AIMP1: variants seen among roughly 807,000 people sequenced by gnomAD.
AIMP1 encodes aminoacyl tRNA synthase complex-interacting multifunctional protein 1.
Under a neutral mutation model 33.1 loss-of-function variants are expected in AIMP1, and 24 were observed. That is an observed-to-expected ratio of 0.73 (90% confidence interval 0.53 to 1.02). The LOEUF (loss-of-function observed/expected upper bound fraction) is 1.02. Ranked by LOEUF, AIMP1 falls within the 50% of genes least tolerant of loss-of-function variation. The pLI, the probability that AIMP1 is intolerant of heterozygous loss-of-function variation, is 0.00. For synonymous variants in AIMP1, 120 were observed against 121.5 expected, an observed-to-expected ratio of 0.99 and a Z score of 0.08; for missense variants, 367 against 364.8, an observed-to-expected ratio of 1.01 and a Z score of -0.05.
intron 4 of AIMP1, among the ~76,000 whole-genome samples, chr4:106,329,772 C>CTTTTTTTTTTTT (rs59016309): frequency 5.7e-5 from 3 of 53,062 alleles, no homozygotes; most frequent in East Asian, 5.4e-4. Context: ...TGCTACATAT[C>CTTTTTTTTTTTT]TTTTTTTTTT....
chr4:106,329,603 A>G (rs1769589239), intron 4 of AIMP1, among the ~76,000 whole-genome samples: 1 of 152,098 alleles, frequency 6.6e-6, no homozygotes, highest in Non-Finnish European at 1.5e-5. Flanking sequence ...TCTAATTTAA[A>G]TAATTTTAAA....
At position 106,347,546 on chromosome 4, in the gene AIMP1, A is replaced by G. The variant is rs1234343131; in HGVS notation, c.793A>G (p.Asn265Asp). 1 of 1,613,042 alleles carries G rather than the reference A, an allele frequency of 6.2e-7. No individual in the cohort carries two copies. Among genetic ancestry groups the G allele is most frequent in the Admixed American group, 1.7e-5 (1 of 59,870 alleles). The change falls in exon 7 of 7, where the codon AAT (asparagine) becomes GAT (aspartate). Residue 265 changes from asparagine (N) to aspartate (D), a missense_variant. By Grantham distance (23) the Asn-to-Asp change is conservative. Transcript: ENST00000672341. ...CACAGGAGAGCCTGACAAGGAGCTG[A>G]ATCCTAAGAAGAAGATTTGGGAGCA... ...AFPGEPDKELNPKKKIWEQIQ... is the reference protein window; with the variant it reads ...AFPGEPDKELDPKKKIWEQIQ...
chr4:106,325,378 G>A (rs1168467118), intron 2 of AIMP1, among the ~76,000 whole-genome samples: 1 of 151,862 alleles, frequency 6.6e-6, no homozygotes, highest in Non-Finnish European at 1.5e-5. Context: ...AGAAATAAAT[G>A]CTTTCCTACG....
rs1769533902 is a variant in AIMP1 at position 106,328,214 on chromosome 4, A to C, written c.362A>C (p.Lys121Thr). The C allele has an allele frequency of 2.5e-6, 4 of 1,611,450 alleles. No homozygotes were observed. The Admixed American group carries it at 6.7e-5, about 27-fold the overall frequency. Residue 121 changes from lysine to threonine, a missense_variant, in exon 4 of 7, where the codon AAG (lysine) becomes ACG (threonine). Lys to Thr is a moderately conservative substitution (Grantham distance 78). Transcript: ENST00000672341. ...ATAAAAGGAGGAACAGGAGACGAAA[A>C]GAAAGCGAAAGAGAAAATTGAAAAG... ...EQIKGGTGDE[K>T]KAKEKIEKKG...
chr4:106,320,287 C>T (rs1273881269), intron 1 of AIMP1, among the ~76,000 whole-genome samples: 1 of 152,182 alleles, frequency 6.6e-6, no homozygotes, highest in Non-Finnish European at 1.5e-5. Context: ...TCACTGTGCC[C>T]TAAGCGTAAC....
chr4:106,331,100 G>A (rs1175498313), intron 4 of AIMP1, among the ~76,000 whole-genome samples: 1 of 152,168 alleles, frequency 6.6e-6, no homozygotes, highest in East Asian at 1.9e-4. Flanking sequence ...ACTTACTAGT[G>A]TATATAAGTG....
intron 3 of AIMP1, 56 bp downstream of exon 3, chr4:106,327,620 A>C (rs1769502561): frequency 1.6e-6 from 2 of 1,259,592 alleles, no homozygotes; most frequent in Non-Finnish European, 2.3e-6. Context: ...GGCCAGTCAC[A>C]CCAACAGTGA....
At chr4:106,331,546 G>A (rs982152381) in intron 4 of AIMP1, 126 bp from the exon 5 acceptor site, 1 of 757,702 alleles carries the variant, frequency 1.3e-6, no homozygotes, top group Admixed American at 2.4e-5. Context: ...TTAAGTGAAG[G>A]TAGGAGATAA....
chr4:106,330,781 A>G (rs916462111), intron 4 of AIMP1, among the ~76,000 whole-genome samples: 2 of 152,240 alleles, frequency 1.3e-5, no homozygotes, highest in East Asian at 1.9e-4. Flanking sequence ...CTTCCAAGCT[A>G]CAATAGCTTA....
intron 1 of AIMP1, among the ~76,000 whole-genome samples, chr4:106,322,099 A>G (rs934044114): frequency 6.6e-6 from 1 of 152,126 alleles, no homozygotes; most frequent in South Asian, 2.1e-4. Context: ...ATGCTCCTTA[A>G]GAGTTATCAC....
At chr4:106,329,032 A>G (rs962593881) in intron 4 of AIMP1, among the ~76,000 whole-genome samples, 1 of 149,684 alleles carries the variant, frequency 6.7e-6, no homozygotes, top group African/African-American at 2.5e-5. Flanking sequence ...ATTATACTTA[A>G]ACTTATTTAC....
chr4:106,346,067 T>C (rs1039722209), intron 6 of AIMP1, among the ~76,000 whole-genome samples: 2 of 151,836 alleles, frequency 1.3e-5, no homozygotes, highest in Non-Finnish European at 2.9e-5. Context: ...AATAATTGAA[T>C]CATCGAAGTT....
At chr4:106,323,480 A>G (rs1769344233) in intron 1 of AIMP1, among the ~76,000 whole-genome samples, 1 of 152,112 alleles carries the variant, frequency 6.6e-6, no homozygotes, top group Non-Finnish European at 1.5e-5. Context: ...TGAAGATACC[A>G]CCTTTAAACT....
intron 6 of AIMP1, among the ~76,000 whole-genome samples, chr4:106,346,435 C>T (rs1434660435): frequency 6.6e-6 from 1 of 152,100 alleles, no homozygotes; most frequent in Non-Finnish European, 1.5e-5. Context: ...CATTGAGCAA[C>T]TTGTGTTTTC....
intron 4 of AIMP1, among the ~76,000 whole-genome samples, chr4:106,329,040 T>C (rs1769563014): frequency 6.9e-6 from 1 of 145,530 alleles, no homozygotes; most frequent in Admixed American, 6.9e-5. Flanking sequence ...TAAACTTATT[T>C]ACTTTTTTTT....
At chr4:106,337,404 A>T (rs1001208000) in intron 6 of AIMP1, among the ~76,000 whole-genome samples, 1 of 152,124 alleles carries the variant, frequency 6.6e-6, no homozygotes, top group African/African-American at 2.4e-5. Context: ...GATAGTGAAT[A>T]AGTCTCATGA....
chr4:106,316,385 A>AG (rs1156894060), upstream of AIMP1: 10 of 665,536 alleles, frequency 1.5e-5, no homozygotes, highest in Non-Finnish European at 2.1e-5. Context: ...ATACTGGGTG[A>AG]GGGAATGGAA....
Position 106,330,309 on chromosome 4 carries a change from G to A in AIMP1, c.392-1363G>A, listed in dbSNP as rs75340049. Among the ~76,000 whole-genome samples the A allele has an allele frequency of 1.0e-3, 156 of 152,152 alleles. 3 individuals carry two copies. The East Asian group carries it at 0.029, about 28-fold the overall frequency. ...ATACTACAGTATTTTTAAAGTAAAT[G>A]CATATACTTTATCACACAAAAATAT... On this transcript the variant is annotated intron_variant, in intron 4 of 6. Transcript: ENST00000672341.
chr4:106,337,641 G>A (rs906841317), intron 6 of AIMP1, among the ~76,000 whole-genome samples: 2 of 152,180 alleles, frequency 1.3e-5, no homozygotes, highest in Non-Finnish European at 2.9e-5. Context: ...TTGATACTGG[G>A]TAGTAGGGAC....
Sources: gnomAD v4.1 joint callset for allele counts (sites outside exome capture counted in the v4.1 genomes callset) on GRCh38, gnomAD v4.1.1 for gene constraint, MANE v1.5 for transcripts, NCBI Gene and HGNC (gene_info 2026-07-23, HGNC 2026-07-21) for gene names.